The following NDUFAF6 variants were observed in gnomAD, a reference collection of about 807,000 sequenced individuals.
NDUFAF6 encodes NADH:ubiquinone oxidoreductase complex assembly factor 6.
A neutral mutation model predicts 40.8 loss-of-function variants in NDUFAF6; 45 were observed. That is an observed-to-expected ratio of 1.10 (90% CI 0.87 to 1.42). The LOEUF (loss-of-function observed/expected upper bound fraction) is 1.42. Ranked by LOEUF, NDUFAF6 falls within the 40% of genes most tolerant of loss-of-function variation. NDUFAF6 has a pLI of 0.00. For synonymous variants in NDUFAF6, 185 were observed against 155.9 expected, an observed-to-expected ratio of 1.19 and a Z score of -1.39; for missense variants, 435 against 418.5, an observed-to-expected ratio of 1.04 and a Z score of -0.34.
At chr8:95,063,793 T>C (rs1832629786) in intron 9 of NDUFAF6, among the ~76,000 whole-genome samples, 1 of 152,110 alleles carries the variant, frequency 6.6e-6, no homozygotes, top group African/African-American at 2.4e-5. Flanking sequence ...GGATCTCTTT[T>C]ATGGGTGTCA....
intron 1 of NDUFAF6, among the ~76,000 whole-genome samples, chr8:94,968,154 G>C (rs1824171464): frequency 6.6e-6 from 1 of 152,142 alleles, no homozygotes; most frequent in Non-Finnish European, 1.5e-5. Context: ...CAGTCTTCTT[G>C]TAAAACATTC....
At chr8:94,914,161 G>T (rs1181475543) in intron 1 of NDUFAF6, among the ~76,000 whole-genome samples, 1 of 149,456 alleles carries the variant, frequency 6.7e-6, no homozygotes, top group African/African-American at 2.5e-5. Flanking sequence ...GCACATCAGG[G>T]TCTTCACTGT....
At chr8:94,955,610 A>G (rs481887), upstream of NDUFAF6, among the ~76,000 whole-genome samples, 50,434 of 152,180 alleles carry the variant, frequency 0.33, 9,043 homozygotes, top group Non-Finnish European at 0.41. Flanking sequence ...TTATTTATCT[A>G]TTTCCCTTTT....
chr8:94,936,405 C>T (rs577988872), intron 1 of NDUFAF6, among the ~76,000 whole-genome samples: 3 of 152,300 alleles, frequency 2.0e-5, no homozygotes, highest in East Asian at 1.9e-4. Flanking sequence ...TCCACACTGC[C>T]AATAGCTCTC....
intron 1 of NDUFAF6, among the ~76,000 whole-genome samples, chr8:94,970,972 A>C (rs1414420955): frequency 6.6e-6 from 1 of 152,218 alleles, no homozygotes; most frequent in African/African-American, 2.4e-5. Flanking sequence ...ATGAGCCAGC[A>C]CAACTTTGTT....
intron 2 of NDUFAF6, among the ~76,000 whole-genome samples, chr8:95,000,951 T>A (rs1287553929): frequency 6.7e-6 from 1 of 148,640 alleles, no homozygotes; most frequent in Non-Finnish European, 1.5e-5. Flanking sequence ...TTGCTTCCCC[T>A]TACTTTTTTT....
At chr8:94,966,861 G>A (rs1160217812) in intron 1 of NDUFAF6, among the ~76,000 whole-genome samples, 1 of 152,186 alleles carries the variant, frequency 6.6e-6, no homozygotes, top group Non-Finnish European at 1.5e-5. Flanking sequence ...TGCCAGCCAA[G>A]TGGGGCTGCT....
chr8:95,003,022 A>T (rs1028633322), intron 2 of NDUFAF6, among the ~76,000 whole-genome samples: 4 of 152,212 alleles, frequency 2.6e-5, no homozygotes, highest in Non-Finnish European at 5.9e-5. Context: ...AGAAAGAGAG[A>T]TCTTTTCACC....
At chr8:94,930,378 A>T (rs1316980919) in intron 1 of NDUFAF6, 1 of 1,483,170 alleles carries the variant, frequency 6.7e-7, no homozygotes, top group Non-Finnish European at 9.2e-7. Context: ...GTGATTGGTT[A>T]TCAATTGGTT....
chr8:95,002,361 A>G (rs78942242), intron 2 of NDUFAF6, among the ~76,000 whole-genome samples: 7 of 152,360 alleles, frequency 4.6e-5, no homozygotes, highest in East Asian at 1.9e-4. Context: ...AAGAGCAGAA[A>G]TGAGTCTCAC....
At chr8:94,940,684 G>A in intron 1 of NDUFAF6, 3 of 626,412 alleles carry the variant, frequency 4.8e-6, no homozygotes, top group Non-Finnish European at 8.2e-6. Context: ...AGCACAGATG[G>A]TTTCCTGCAA....
chr8:94,976,157 C>G (rs1280245878), intron 1 of NDUFAF6, among the ~76,000 whole-genome samples: 1 of 147,914 alleles, frequency 6.8e-6, no homozygotes, highest in Non-Finnish European at 1.5e-5. Flanking sequence ...CGAGATCGTG[C>G]CACTGCACTC....
At chr8:95,018,407 CCTATT>C (rs1181334299) in intron 2 of NDUFAF6, among the ~76,000 whole-genome samples, 1 of 149,370 alleles carries the variant, frequency 6.7e-6, no homozygotes, top group Non-Finnish European at 1.5e-5. Flanking sequence ...CCCATTACCT[CCTATT>C]CATTCATTCA....
intron 1 of NDUFAF6, chr8:94,941,049 G>T: frequency 1.3e-6 from 1 of 746,528 alleles, no homozygotes; most frequent in Non-Finnish European, 2.2e-6. Context: ...AGTGCACAGG[G>T]TGCTTATTCA....
chr8:94,975,456 C>T (rs1298804613), intron 1 of NDUFAF6: 1 of 152,252 alleles, frequency 6.6e-6, no homozygotes, highest in Admixed American at 6.5e-5. Flanking sequence ...AGCAGAGCCT[C>T]AGGCAGCGGG....
At chr8:94,952,613 A>G (rs1308413146) in intron 2 of NDUFAF6, among the ~76,000 whole-genome samples, 1 of 152,260 alleles carries the variant, frequency 6.6e-6, no homozygotes, top group Non-Finnish European at 1.5e-5. Context: ...CAAAGAAGCA[A>G]GAGATTCTGT....
Position 94,935,526 on chromosome 8 carries a change from G to A in NDUFAF6, c.-935-9957G>A, listed in dbSNP as rs116865498. Among the ~76,000 whole-genome samples the A allele has an allele frequency of 5.0e-3, 766 of 152,306 alleles. 4 individuals are homozygous for A. The highest frequency in any genetic ancestry group is 8.7e-3 in the South Asian group (42 of 4,828). Reference sequence around the variant, plus strand: ...GAAAAGTGACCAACAATTGCTTGGGGCAATAGACAGATTGATTAATCAAGA... The same window carrying A: ...GAAAAGTGACCAACAATTGCTTGGGACAATAGACAGATTGATTAATCAAGA... On this transcript the variant is annotated intron_variant, in intron 1 of 14. Coordinates refer to the NDUFAF6 transcript ENST00000396113.
In NDUFAF6 at chr8:94,932,671, C is replaced by T. The variant is rs916298073; in HGVS notation, c.-935-12812C>T. Among the ~76,000 whole-genome samples the T allele has an allele frequency of 3.3e-5, 5 of 152,044 alleles. No homozygotes were observed. The South Asian group carries it at 1.0e-3, about 32-fold the overall frequency. On this transcript the variant is annotated intron_variant, in intron 1 of 14. Coordinates refer to the NDUFAF6 transcript ENST00000396113. ...ACAAAAAATTAGCTGGGTGCGGTGG[C>T]GGGCGCCTGTAGTCCCAGCTACTCG... is the stretch of plus-strand genomic sequence containing the variant.
At chr8:95,036,514 T>C in intron 3 of NDUFAF6, 1 of 1,287,318 alleles carries the variant, frequency 7.8e-7, no homozygotes, top group South Asian at 1.2e-5. Context: ...AGATTAGTTC[T>C]TTACCTCTGT....
Sources: gnomAD v4.1 joint callset for allele counts (sites outside exome capture counted in the v4.1 genomes callset) on GRCh38, gnomAD v4.1.1 for gene constraint, MANE v1.5 for transcripts, NCBI Gene and HGNC (gene_info 2026-07-23, HGNC 2026-07-21) for gene names.